The following ZNF469 variants were observed in gnomAD, a reference collection of about 807,000 sequenced individuals.
The protein encoded by ZNF469 is zinc finger protein 469.
In ZNF469, 1 loss-of-function variant was observed where a neutral mutation model predicts 1.0. That is an observed-to-expected ratio of 1.00 (90% CI 0.35 to 4.73). ZNF469 has a LOEUF of 4.73. Ranked by LOEUF, ZNF469 falls within the 30% of genes most tolerant of loss-of-function variation. The pLI, the probability that ZNF469 is intolerant of heterozygous loss-of-function variation, is 0.16. For synonymous variants in ZNF469, 2,703 were observed against 2,363.4 expected, an observed-to-expected ratio of 1.14 and a Z score of -4.17; for missense variants, 6,100 against 5,356.3, an observed-to-expected ratio of 1.14 and a Z score of -4.33.
chr16:88,192,407 C>G, the ZNF469 span, among the ~76,000 whole-genome samples: 1 of 152,198 alleles, frequency 6.6e-6, no homozygotes, highest in Admixed American at 6.5e-5. Flanking sequence ...AGACAGACAT[C>G]AAGGTCTTGT....
At chr16:88,314,522 G>A in the ZNF469 span, among the ~76,000 whole-genome samples, 3 of 142,704 alleles carry the variant, frequency 2.1e-5, no homozygotes, top group Non-Finnish European at 3.1e-5. Flanking sequence ...TGCTGGTGTA[G>A]AATATCTCTG....
At chr16:88,261,213 G>A in the ZNF469 span, among the ~76,000 whole-genome samples, 2 of 152,244 alleles carry the variant, frequency 1.3e-5, no homozygotes, top group Admixed American at 1.3e-4. The surrounding 1 kb of genome is among the most constrained non-coding windows in gnomAD (Gnocchi z 6.0). Context: ...AGAGGAAGGA[G>A]CCCGCATTTG....
chr16:88,265,380 C>A, the ZNF469 span, among the ~76,000 whole-genome samples: 1 of 152,188 alleles, frequency 6.6e-6, no homozygotes, highest in Admixed American at 6.5e-5. Context: ...AGCCTCACCC[C>A]GAGGGCTGCG....
Position 88,432,204 on chromosome 16 carries a change from C to G in ZNF469, c.4734C>G (p.Ser1578Arg). 6.5e-7 allele frequency: 1 copy of G among 1,550,184 alleles called. No homozygotes were observed. Among genetic ancestry groups the G allele is most frequent in the Non-Finnish European group, 8.7e-7 (1 of 1,146,994 alleles). The change falls in exon 3 of 3, where the codon AGC (serine) becomes AGG (arginine). Residue 1578 changes from serine (S) to arginine (R), a missense_variant. Coordinates refer to ENST00000565624, the MANE Select transcript of ZNF469 (RefSeq NM_001367624.2). Reference sequence around the variant, plus strand: ...AATTAGAAAGTCAGCTGCAAAGGAGCAAAGACACACGTGGGGCCCCGAGAG... The same window carrying G: ...AATTAGAAAGTCAGCTGCAAAGGAGGAAAGACACACGTGGGGCCCCGAGAG... ...VTELESQLQR[S>R]KDTRGAPREL...
chr16:88,132,324 C>T, the ZNF469 span, among the ~76,000 whole-genome samples: 2 of 152,266 alleles, frequency 1.3e-5, no homozygotes, highest in African/African-American at 4.8e-5. Context: ...CCCTGGCCTT[C>T]GGCTCCCCGC....
chr16:88,265,598 A>G, the ZNF469 span, among the ~76,000 whole-genome samples: 1 of 152,132 alleles, frequency 6.6e-6, no homozygotes, highest in Non-Finnish European at 1.5e-5. Context: ...AGCCAGAGCC[A>G]CACCGTGTGG....
the ZNF469 span, among the ~76,000 whole-genome samples, chr16:88,325,104 C>T: frequency 6.6e-6 from 1 of 151,960 alleles, no homozygotes; most frequent in Admixed American, 6.5e-5. Flanking sequence ...CTGCGGCATA[C>T]TCAGGGTCTC....
chr16:88,437,074 G>A lies in ZNF469; in HGVS notation c.9604G>A (p.Ala3202Thr), dbSNP rs767316063. 3.9e-6 allele frequency: 6 copies of A among 1,541,692 alleles called. No homozygotes were observed. Among genetic ancestry groups the A allele is most frequent in the South Asian group, 1.2e-5 (1 of 83,844 alleles). The change falls in exon 3 of 3, where the codon GCC becomes ACC. Residue 3202 changes from alanine to threonine, a missense_variant. Transcript: ENST00000565624. The part of the protein sequence containing the change: ...EHLREHAVRF[A>T]RRGQARRSLG... The stretch of plus-strand genomic sequence containing the variant: ...CCTGCGTGAGCACGCGGTCCGCTTC[G>A]CCCGCAGGGGGCAGGCGCGGAGGTC...
At chr16:88,113,707 C>T in the ZNF469 span, among the ~76,000 whole-genome samples, 1 of 152,212 alleles carries the variant, frequency 6.6e-6, no homozygotes, top group South Asian at 2.1e-4. Context: ...ACAAGTGGCC[C>T]CTCTGGGACA....
the ZNF469 span, among the ~76,000 whole-genome samples, chr16:88,149,210 C>G: frequency 4.6e-5 from 7 of 152,170 alleles, no homozygotes; most frequent in African/African-American, 1.7e-4. Context: ...AGGACAGCAG[C>G]CAGGCCCGCT....
the ZNF469 span, among the ~76,000 whole-genome samples, chr16:88,309,885 C>T: frequency 6.6e-5 from 10 of 152,350 alleles, no homozygotes; most frequent in Admixed American, 3.9e-4. Context: ...AAACAACCCA[C>T]GTGGCAGGAG....
rs542969858 is a variant in ZNF469, at chr16:88,390,416, A to C, written c.-192+7162A>C. ...TTGGGGGAGGCAGGCCAGACTGCGT[A>C]ACCCCACGTGGGGTCCATGAGCACT... On this transcript the variant is annotated intron_variant, in intron 1 of 2. Coordinates refer to ENST00000565624, the MANE Select transcript of ZNF469 (RefSeq NM_001367624.2). Among the ~76,000 whole-genome samples the C allele has an allele frequency of 2.7e-4, 41 of 152,228 alleles. No individual in the cohort carries two copies. In the South Asian group the frequency reaches 7.9e-3, roughly 29 times the overall value.
the ZNF469 span, among the ~76,000 whole-genome samples, chr16:88,304,334 C>T: frequency 6.6e-6 from 1 of 152,210 alleles, no homozygotes; most frequent in Non-Finnish European, 1.5e-5. Context: ...GGGCTCCTCC[C>T]ACCCTGTTGC....
At chr16:88,396,686 CG>C (rs1431586699) in intron 1 of ZNF469, among the ~76,000 whole-genome samples, 3 of 147,778 alleles carry the variant, frequency 2.0e-5, no homozygotes, top group African/African-American at 5.0e-5. Context: ...GGAGGAGACC[CG>C]TCTGAAGGGA....
At chr16:88,336,895 G>T in the ZNF469 span, among the ~76,000 whole-genome samples, 1 of 152,120 alleles carries the variant, frequency 6.6e-6, no homozygotes, top group African/African-American at 2.4e-5. Context: ...GCCACCCCGA[G>T]TCTACCATCT....
At chr16:88,401,547 A>ATGGATACATGGGTGGATGGATGG (rs1904859453) in intron 1 of ZNF469, among the ~76,000 whole-genome samples, 1 of 77,416 alleles carries the variant, frequency 1.3e-5, no homozygotes, top group Non-Finnish European at 3.0e-5. Flanking sequence ...GGGTGGATGG[A>ATGGATACATGGGTGGATGGATGG]TGGATGCATG....
rs111828626 is a variant in ZNF469 at position 88,434,630 on chromosome 16, G to A, written c.7160G>A (p.Arg2387His). ...GACCCAGGGACCCCTGAGACCGGGC[G>A]CTCTGGTGCTACCAAGATGCCCAGG... ...PEDPGTPETG[R>H]SGATKMPRVT... The change falls in exon 3 of 3, where the codon CGC (arginine) becomes CAC (histidine). Residue 2387 changes from arginine to histidine, a missense_variant. Coordinates refer to ENST00000565624, the MANE Select transcript of ZNF469 (RefSeq NM_001367624.2). The A allele has an allele frequency of 2.1e-5, 32 of 1,550,116 alleles. No individual in the cohort carries two copies. The highest frequency in any genetic ancestry group is 1.9e-4 in the African/African-American group (14 of 73,018).
At chr16:88,202,492 C>A in the ZNF469 span, among the ~76,000 whole-genome samples, 1 of 152,170 alleles carries the variant, frequency 6.6e-6, no homozygotes, top group Non-Finnish European at 1.5e-5. Context: ...AGGTGCGCCC[C>A]TGAGGTGTCT....
chr16:88,330,150 A>T, the ZNF469 span, among the ~76,000 whole-genome samples: 16 of 152,214 alleles, frequency 1.1e-4, no homozygotes, highest in Non-Finnish European at 2.4e-4. Context: ...ACATGCAATG[A>T]TGCTGTCATC....
Sources: allele counts gnomAD v4.1 joint callset (sites outside exome capture counted in the v4.1 genomes callset), GRCh38; gene constraint gnomAD v4.1.1; non-coding constraint Gnocchi (gnomAD v3.1); transcripts MANE v1.5; gene names NCBI Gene and HGNC (gene_info 2026-07-23, HGNC 2026-07-21).